GAS2: variants seen among roughly 807,000 people sequenced by gnomAD.
GAS2 encodes growth arrest-specific protein 2.
A neutral mutation model predicts 37.5 loss-of-function variants in GAS2; 20 were observed. That is an observed-to-expected ratio of 0.53 (90% CI 0.37 to 0.77). The LOEUF is 0.77. Among genes scored for constraint, GAS2 ranks in the 30% least tolerant of loss-of-function variants. The pLI, the probability that GAS2 is intolerant of heterozygous loss-of-function variation, is 0.00. For synonymous variants in GAS2, 144 were observed against 132.2 expected, an observed-to-expected ratio of 1.09 and a Z score of -0.61; for missense variants, 336 against 373.4, an observed-to-expected ratio of 0.90 and a Z score of 0.82.
chr11:22,637,661 ATAAAATAAATATTTATATT>A, intron 1 of GAS2, among the ~76,000 whole-genome samples: 1 of 137,792 alleles, frequency 7.3e-6, no homozygotes, highest in Admixed American at 7.7e-5. Flanking sequence ...TTGATATAAT[ATAAAATAAATATTTATATT>A]ATATCAATAA....
At chr11:22,757,996 G>A (rs960117613) in intron 7 of GAS2, among the ~76,000 whole-genome samples, 3 of 152,072 alleles carry the variant, frequency 2.0e-5, no homozygotes, top group African/African-American at 4.8e-5. Flanking sequence ...GTGTTAACTA[G>A]AAAAACTAAA....
intron 5 of GAS2, among the ~76,000 whole-genome samples, chr11:22,739,465 C>G (rs954340311): frequency 6.8e-6 from 1 of 147,638 alleles, no homozygotes; most frequent in Non-Finnish European, 1.5e-5. Flanking sequence ...TCCCAGCTAT[C>G]GGGAGGCTGA....
chr11:22,788,145 T>G (rs1160489376), intron 7 of GAS2, among the ~76,000 whole-genome samples: 1 of 152,204 alleles, frequency 6.6e-6, no homozygotes, highest in Admixed American at 6.5e-5. Flanking sequence ...TATGTTATAG[T>G]AAAATGTTAT....
At chr11:22,746,829 A>G (rs1853431742) in intron 5 of GAS2, among the ~76,000 whole-genome samples, 1 of 152,206 alleles carries the variant, frequency 6.6e-6, no homozygotes, top group Admixed American at 6.5e-5. Flanking sequence ...ACAATTCTGC[A>G]CATGTACCCC....
chr11:22,645,596 A>C (rs12285465), intron 1 of GAS2, among the ~76,000 whole-genome samples: 36,194 of 151,788 alleles, frequency 0.24, 5,641 homozygotes, highest in African/African-American at 0.43. Flanking sequence ...ATATTGAGAA[A>C]ATTTTCAGAG....
intron 7 of GAS2, among the ~76,000 whole-genome samples, chr11:22,763,027 A>C (rs547774098): frequency 3.1e-4 from 47 of 152,308 alleles, no homozygotes; most frequent in African/African-American, 1.1e-3. Flanking sequence ...CCAGTGGCTT[A>C]AGGGTATTTT....
intron 1 of GAS2, among the ~76,000 whole-genome samples, chr11:22,651,072 A>G (rs1279987145): frequency 2.6e-5 from 4 of 152,066 alleles, no homozygotes; most frequent in African/African-American, 9.7e-5. Context: ...GTTCCTTTCC[A>G]TGTTTAGCAC....
intron 1 of GAS2, among the ~76,000 whole-genome samples, chr11:22,674,490 G>T (rs1421366125): frequency 1.3e-5 from 2 of 152,150 alleles, no homozygotes; most frequent in African/African-American, 4.8e-5. Context: ...GTTTTAAATA[G>T]CCCAAACAAT....
In GAS2 at chr11:22,634,568, G is replaced by T. The variant is rs186091254; in HGVS notation, c.-21+8755G>T. ...AGTCTGGATTCTTTGGTCTCACGGG[G>T]TGCTCCCTTGATGTGGTATATTCCC... On this transcript the variant is annotated intron_variant, in intron 1 of 5. Transcript: ENST00000528582. Among the ~76,000 whole-genome samples the T allele has an allele frequency of 1.9e-3, 287 of 152,220 alleles. 1 individual carries two copies. The highest frequency in any genetic ancestry group is 2.8e-3 in the Admixed American group (43 of 15,284).
chr11:22,798,676 A>G (rs1300546861), intron 7 of GAS2, among the ~76,000 whole-genome samples: 1 of 152,086 alleles, frequency 6.6e-6, no homozygotes, highest in Non-Finnish European at 1.5e-5. Context: ...ACGTAACTAG[A>G]GAAGTTGAAA....
In GAS2 at chr11:22,666,635, T is replaced by C. The variant is rs1287318009; in HGVS notation, c.-285T>C. On this transcript the variant is annotated 5_prime_UTR_variant, in exon 1 of 8. The change abolishes an upstream ATG in the 5' untranslated region. Coordinates refer to ENST00000454584, the MANE Select transcript of GAS2 (RefSeq NM_001143830.3). The stretch of plus-strand genomic sequence containing the variant: ...AAGCATTTTACTTCCGCTCGGTCTA[T>C]GAGGACTGATGAAATGTAGGAAATC... 1 of 152,324 alleles carries C rather than the reference T, an allele frequency of 6.6e-6. No homozygotes were observed. Among genetic ancestry groups the C allele is most frequent in the African/African-American group, 2.4e-5 (1 of 41,462 alleles). 9.4% of individuals were successfully genotyped at this position (152,324 alleles called of 1,614,324 possible).
chr11:22,663,139 A>G (rs1277595628), upstream of GAS2, among the ~76,000 whole-genome samples: 1 of 152,192 alleles, frequency 6.6e-6, no homozygotes, highest in Non-Finnish European at 1.5e-5. Context: ...TTTTAAAACC[A>G]TTAGGTCTTG....
chr11:22,686,436 C>T (rs1849954923), intron 3 of GAS2, among the ~76,000 whole-genome samples: 1 of 151,324 alleles, frequency 6.6e-6, no homozygotes, highest in African/African-American at 2.4e-5. Flanking sequence ...ATAATGTTGG[C>T]CAGGCATGGT....
intron 1 of GAS2, among the ~76,000 whole-genome samples, chr11:22,650,332 T>A (rs1326588002): frequency 1.1e-4 from 16 of 150,926 alleles, no homozygotes; most frequent in Admixed American, 1.1e-3. Context: ...AGAGCTTTAC[T>A]TCCAAGTATG....
upstream of GAS2, among the ~76,000 whole-genome samples, chr11:22,662,392 T>C (rs140749764): frequency 3.2e-4 from 48 of 152,354 alleles, no homozygotes; most frequent in African/African-American, 1.1e-3. Context: ...TATAAAGATA[T>C]AACCAATTAG....
intron 1 of GAS2, among the ~76,000 whole-genome samples, chr11:22,630,231 T>C (rs571860236): frequency 1.3e-5 from 2 of 152,288 alleles, no homozygotes; most frequent in African/African-American, 4.8e-5. Flanking sequence ...TGGTGTGTGA[T>C]GTTCCCCTTC....
chr11:22,748,543 A>G (rs1179606697), intron 5 of GAS2, among the ~76,000 whole-genome samples: 1 of 152,226 alleles, frequency 6.6e-6, no homozygotes, highest in East Asian at 1.9e-4. Flanking sequence ...GTTGTTTCCC[A>G]AAACAATATA....
intron 1 of GAS2, among the ~76,000 whole-genome samples, chr11:22,627,954 C>T (rs1295935704): frequency 6.6e-6 from 1 of 152,018 alleles, no homozygotes; most frequent in African/African-American, 2.4e-5. Flanking sequence ...TCCAAAAAAG[C>T]TTTGATTCAG....
chr11:22,812,051 G>T lies in GAS2; in HGVS notation c.*35G>T. 1 of 1,474,486 alleles carries T rather than the reference G, an allele frequency of 6.8e-7. No homozygotes were observed. The highest frequency in any genetic ancestry group is 1.1e-5 in the South Asian group (1 of 88,134). The allele number at this position is 1,474,486 out of a possible 1,614,324, so 91.3% of individuals were successfully genotyped here. A position where few individuals can be genotyped will look rare whatever the true frequency, so the allele number is the denominator to read the frequency against. On this transcript the variant is annotated 3_prime_UTR_variant, in exon 8 of 8. Transcript: ENST00000454584. ...GTCATGACAAGGGGACCCTCATAATGGCCTGTATCCACTTCTCCAGTATAG... is the reference window on the plus strand; with the variant it reads ...GTCATGACAAGGGGACCCTCATAATTGCCTGTATCCACTTCTCCAGTATAG...
Sources: allele counts gnomAD v4.1 joint callset (sites outside exome capture counted in the v4.1 genomes callset), GRCh38; gene constraint gnomAD v4.1.1; transcripts MANE v1.5; gene names NCBI Gene and HGNC (gene_info 2026-07-23, HGNC 2026-07-21).